The following ZNF207 variants were observed in gnomAD, a reference collection of about 807,000 sequenced individuals.
ZNF207 encodes zinc finger protein 207, also known as BUB3-interacting and GLEBS motif-containing protein ZNF207.
Under a neutral mutation model 60.2 loss-of-function variants are expected in ZNF207, and 24 were observed. The observed-to-expected ratio is 0.40, with a 90% confidence interval of 0.29 to 0.56. ZNF207 has a LOEUF of 0.56. Among genes scored for constraint, ZNF207 ranks in the 20% least tolerant of loss-of-function variants. The probability of loss-of-function intolerance (pLI) is 0.49; values close to 1 mark genes in which losing one functional copy is unlikely to be tolerated. For missense variants in ZNF207, 452 were observed against 636.6 expected, an observed-to-expected ratio of 0.71 and a Z score of 3.12; for synonymous variants, 236 against 194.7, an observed-to-expected ratio of 1.21 and a Z score of -1.77.
At chr17:32,360,535 T>A in intron 3 of ZNF207, 63 bp from the exon 4 acceptor site, 1 of 1,451,874 alleles carries the variant, frequency 6.9e-7, no homozygotes, top group Non-Finnish European at 9.3e-7. Flanking sequence ...TTTTAAATAT[T>A]GAATGTTGTA....
chr17:32,376,715 T>C lies in ZNF207; in HGVS notation c.*6956T>C, dbSNP rs1905687232. The C allele has an allele frequency of 6.6e-6, 1 of 152,098 alleles. No homozygotes were observed. Among genetic ancestry groups the C allele is most frequent in the African/African-American group, 2.4e-5 (1 of 41,442 alleles). 9.4% of individuals were successfully genotyped at this position (152,098 alleles called of 1,614,324 possible). ...GATGGAAACTTTGATGGTTAGGTTC[T>C]TTAAGAGGCATACAATCCGTTATGA... On this transcript the variant is annotated 3_prime_UTR_variant, in exon 12 of 12. Transcript: ENST00000394670.
At chr17:32,350,357 C>G (rs1374063311) in intron 1 of ZNF207, 31 bp downstream of exon 1, 1 of 1,613,594 alleles carries the variant, frequency 6.2e-7, no homozygotes, top group African/African-American at 1.3e-5. Context: ...GTCGAGGTCG[C>G]GTTGGGGTGC....
rs767641822 is a variant in ZNF207 at position 32,365,453 on chromosome 17, C to G, written c.794C>G (p.Pro265Arg). The G allele has an allele frequency of 6.2e-7, 1 of 1,614,170 alleles. No homozygotes were observed. Among genetic ancestry groups the G allele is most frequent in the Admixed American group, 1.7e-5 (1 of 60,012 alleles). ...GCAACTGTACCTGCCCCACAGCCTCCAGTTACTAAGCCTCTTTTCCCCAGT... is the reference window on the plus strand; with the variant it reads ...GCAACTGTACCTGCCCCACAGCCTCGAGTTACTAAGCCTCTTTTCCCCAGT... ...PTATVPAPQPPVTKPLFPSAG... is the reference protein window; with the variant it reads ...PTATVPAPQPRVTKPLFPSAG... Residue 265 changes from proline (P) to arginine (R), a missense_variant, in exon 8 of 12, where the codon CCA becomes CGA. Pro to Arg is a moderately radical substitution (Grantham distance 103). Coordinates refer to ENST00000394670, the MANE Select transcript of ZNF207 (RefSeq NM_001098507.2).
In ZNF207 at chr17:32,378,847, G is replaced by A. The variant is rs1043859100; in HGVS notation, c.*9088G>A. 2.0e-5 allele frequency: 3 copies of A among 151,900 alleles called. No individual in the cohort carries two copies. In the East Asian group the frequency reaches 5.8e-4, roughly 29 times the overall value. The allele number at this position is 151,900 out of a possible 1,614,324, so 9.4% of individuals were successfully genotyped here. On this transcript the variant is annotated 3_prime_UTR_variant, in exon 12 of 12. Coordinates refer to ENST00000394670, the MANE Select transcript of ZNF207 (RefSeq NM_001098507.2). ...GCATACAAGTTAATTTCTAATTTTCGCAAGCCTGAACCATCCTAATCTGAT... is the reference window on the plus strand; with the variant it reads ...GCATACAAGTTAATTTCTAATTTTCACAAGCCTGAACCATCCTAATCTGAT...
At chr17:32,355,621 A>G (rs1904461855) in intron 2 of ZNF207, among the ~76,000 whole-genome samples, 1 of 152,214 alleles carries the variant, frequency 6.6e-6, no homozygotes, top group Non-Finnish European at 1.5e-5. Flanking sequence ...TGGCTAGTTT[A>G]AGCCGCGCTA....
chr17:32,374,218 T>TG lies in ZNF207; in HGVS notation c.*4459_*4460insG, dbSNP rs35162730. ...CCTGGCCAAAATCTGCATTCTTTTT[T>TG]TTTTTTTTTTTTTTTTTTTGAGACT... On this transcript the variant is annotated 3_prime_UTR_variant, in exon 12 of 12. Coordinates refer to ENST00000394670, the MANE Select transcript of ZNF207 (RefSeq NM_001098507.2). 45,739 of 102,430 alleles carry TG rather than the reference T, an allele frequency of 0.45. 10,108 individuals carry two copies. Among genetic ancestry groups the TG allele is most frequent in the Middle Eastern group, 0.51 (86 of 168 alleles). 6.3% of individuals were successfully genotyped at this position (102,430 alleles called of 1,614,324 possible).
Position 32,357,339 on chromosome 17 carries a change from A to ATTTT in ZNF207, c.169-1162_169-1161insTTTT, listed in dbSNP as rs1405292203. 4.6e-4 allele frequency among the ~76,000 whole-genome samples: 38 copies of ATTTT among 81,920 alleles called. 2 individuals carry two copies. Among genetic ancestry groups the ATTTT allele is most frequent in the African/African-American group, 1.8e-3 (29 of 16,162 alleles). The allele number at this position is 81,920 out of a possible 152,430, so 53.7% of individuals were successfully genotyped here. On this transcript the variant is annotated intron_variant, in intron 2 of 11. Transcript: ENST00000394670. ...TATTATTATTATTATTATTATTATT[A>ATTTT]TTATTATTATTATTTTTTTTTTTTT... is the stretch of plus-strand genomic sequence containing the variant.
rs148355084 is a variant in ZNF207, at chr17:32,363,737, G to A, written c.670+753G>A. ...AGTAGAGATGGGGTTTCGCCATGTCGGCCAGCTGGTCTCAAACTCCTGACC... is the reference window on the plus strand; with the variant it reads ...AGTAGAGATGGGGTTTCGCCATGTCAGCCAGCTGGTCTCAAACTCCTGACC... On this transcript the variant is annotated intron_variant, in intron 7 of 11. Coordinates refer to ENST00000394670, the MANE Select transcript of ZNF207 (RefSeq NM_001098507.2). Among the ~76,000 whole-genome samples the A allele has an allele frequency of 2.1e-3, 311 of 150,938 alleles. 2 individuals are homozygous for A. The highest frequency in any genetic ancestry group is 6.9e-4 in the Non-Finnish European group (47 of 67,706).
chr17:32,367,282 T>TATATATATATATGTATAA (rs1445385221), intron 9 of ZNF207, among the ~76,000 whole-genome samples: 1 of 82,862 alleles, frequency 1.2e-5, no homozygotes, highest in African/African-American at 6.1e-5. Flanking sequence ...TATATATATA[T>TATATATATATATGTATAA]ATAAAGAATA....
Position 32,358,498 on chromosome 17 carries a change from G to T in ZNF207, c.169-5G>T. ...CTTTTATCTAATGGAAATTGTTGTT[G>T]TTAGGTACATAAAGAAACAATAGAT... On this transcript the variant is annotated splice_region_variant and splice_polypyrimidine_tract_variant and intron_variant, in intron 2 of 11. Coordinates refer to ENST00000394670, the MANE Select transcript of ZNF207 (RefSeq NM_001098507.2). The T allele has an allele frequency of 1.3e-6, 2 of 1,539,204 alleles. No homozygotes were observed. Among genetic ancestry groups the T allele is most frequent in the Non-Finnish European group, 1.7e-6 (2 of 1,154,524 alleles).
At chr17:32,361,381 T>C (rs983793365) in intron 5 of ZNF207, 87 bp from the exon 6 acceptor site, 13 of 1,092,058 alleles carry the variant, frequency 1.2e-5, no homozygotes, top group Admixed American at 4.9e-5. Context: ...ACTTAAATAT[T>C]GTTGGATGTG....
At chr17:32,367,255 A>G (rs552119502) in intron 9 of ZNF207, among the ~76,000 whole-genome samples, 6 of 70,926 alleles carry the variant, frequency 8.5e-5, no homozygotes, top group South Asian at 3.8e-4. Flanking sequence ...ATATATATAT[A>G]TATATATATA....
rs1324462042 is a variant in ZNF207 at position 32,367,153 on chromosome 17, AC to A, written c.921+397del. Among the ~76,000 whole-genome samples, 3 of 149,150 alleles carry A rather than the reference AC, an allele frequency of 2.0e-5. No individual in the cohort carries two copies. The East Asian group carries it at 5.9e-4, about 29-fold the overall frequency. On this transcript the variant is annotated intron_variant, in intron 9 of 11. Coordinates refer to ENST00000394670, the MANE Select transcript of ZNF207 (RefSeq NM_001098507.2). The stretch of plus-strand genomic sequence containing the variant: ...TATTATGAAAAGTAACATATTTGTT[AC>A]TGATAACTTGCTACTTTAAAAGATC...
intron 7 of ZNF207, 43 bp from the exon 8 acceptor site, chr17:32,365,277 TCCACACTAAA>T: frequency 1.3e-6 from 2 of 1,575,644 alleles, no homozygotes; most frequent in Admixed American, 1.8e-5. Context: ...AGCGTTTTTT[TCCACACTAAA>T]TTTTTCAGTG....
intron 2 of ZNF207, among the ~76,000 whole-genome samples, chr17:32,352,547 A>G (rs1346905450): frequency 6.6e-6 from 1 of 152,132 alleles, no homozygotes; most frequent in Non-Finnish European, 1.5e-5. Flanking sequence ...AGCGATTTAG[A>G]TTTTGTAGGT....
intron 6 of ZNF207, 128 bp downstream of exon 6, chr17:32,361,643 G>C: frequency 1.3e-6 from 1 of 753,074 alleles, no homozygotes. Flanking sequence ...AAACTTGCAA[G>C]CTAATTAACA....
intron 8 of ZNF207, 100 bp downstream of exon 8, chr17:32,365,587 TATA>T (rs1905122994): frequency 8.8e-7 from 1 of 1,141,410 alleles, no homozygotes; most frequent in South Asian, 2.3e-5. Flanking sequence ...TTTTTTTGTT[TATA>T]ATATTTTTAA....
rs1204698555 is a variant in ZNF207, at chr17:32,380,316, T to G, written c.*10557T>G. 1 of 152,530 alleles carries G rather than the reference T, an allele frequency of 6.6e-6. No individual in the cohort carries two copies. The highest frequency in any genetic ancestry group is 2.4e-5 in the African/African-American group (1 of 41,444). The allele number at this position is 152,530 out of a possible 1,614,324, so 9.4% of individuals were successfully genotyped here. On this transcript the variant is annotated 3_prime_UTR_variant, in exon 12 of 12. Transcript: ENST00000394670. ...CATCTCTTTTGCGACTTCATGTAGA[T>G]GTGATTAACATTTTTTACAAATTTG...
Position 32,376,221 on chromosome 17 carries a change from C to T in ZNF207, c.*6462C>T, listed in dbSNP as rs1416742869. 6.6e-6 allele frequency: 1 copy of T among 151,976 alleles called. No homozygotes were observed. Among genetic ancestry groups the T allele is most frequent in the African/African-American group, 2.4e-5 (1 of 41,420 alleles). 9.4% of individuals were successfully genotyped at this position (151,976 alleles called of 1,614,324 possible). A position where few individuals can be genotyped will look rare whatever the true frequency, so the allele number is the denominator to read the frequency against. On this transcript the variant is annotated 3_prime_UTR_variant, in exon 12 of 12. Transcript: ENST00000394670. ...GAAAGTAGGACTTCAGTTTGCGCTTCCCAATAACTTTAAATATATCCACCT... is the reference window on the plus strand; with the variant it reads ...GAAAGTAGGACTTCAGTTTGCGCTTTCCAATAACTTTAAATATATCCACCT...
Sources: gnomAD v4.1 joint callset for allele counts (sites outside exome capture counted in the v4.1 genomes callset) on GRCh38, gnomAD v4.1.1 for gene constraint, MANE v1.5 for transcripts, NCBI Gene and HGNC (gene_info 2026-07-23, HGNC 2026-07-21) for gene names.